CCDC57: variants seen among roughly 807,000 people sequenced by gnomAD.
The protein encoded by CCDC57 is coiled-coil domain containing 57, also known as coiled-coil domain-containing protein 57.
In CCDC57, 118 loss-of-function variants were observed where a neutral mutation model predicts 118.9. That is an observed-to-expected ratio of 0.99 (90% CI 0.86 to 1.16). The LOEUF is 1.16. Ranked by LOEUF, CCDC57 falls within the 50% of genes most tolerant of loss-of-function variation. The pLI is 0.00. For missense variants in CCDC57, 1,300 were observed against 1,320.7 expected (o/e 0.98, Z 0.24); for synonymous variants, 527 against 532.9 (o/e 0.99, Z 0.15).
intron 11 of CCDC57, among the ~76,000 whole-genome samples, chr17:82,175,184 G>T (rs970272915): frequency 1.3e-5 from 2 of 152,250 alleles, no homozygotes; most frequent in Non-Finnish European, 2.9e-5. Context: ...AAGGAAGAAA[G>T]AATTCTCCTG....
intron 19 of CCDC57, among the ~76,000 whole-genome samples, chr17:82,114,642 G>A (rs376985868): frequency 1.9e-3 from 296 of 152,194 alleles, no homozygotes; most frequent in African/African-American, 6.7e-3. Flanking sequence ...CGGCTGTCAC[G>A]ATCCCGTGCT....
intron 15 of CCDC57, 29 bp from the exon 15 acceptor site, chr17:82,151,802 CTG>C: frequency 6.5e-7 from 1 of 1,538,528 alleles, no homozygotes; most frequent in Non-Finnish European, 8.8e-7. Context: ...GCAGACACCC[CTG>C]TGAGGCTGCC....
rs1239317604 is a variant in CCDC57 at position 82,118,224 on chromosome 17, G to T, written c.2899+9468C>A. On this transcript the variant is annotated intron_variant, in intron 19 of 19. Coordinates refer to ENST00000665763, the Ensembl canonical transcript of CCDC57. This position sits in a 1 kb window ranked among gnomAD's most constrained non-coding sequence, Gnocchi z 4.7. ...GGGTGGCTGGGGAGTCTGGAGGGGTGCAGGGGGACTGGGCAGTTGTGGCCT... is the reference window on the plus strand; with the variant it reads ...GGGTGGCTGGGGAGTCTGGAGGGGTTCAGGGGGACTGGGCAGTTGTGGCCT... Among the ~76,000 whole-genome samples the T allele has an allele frequency of 6.6e-6, 1 of 152,186 alleles. No individual in the cohort carries two copies. Among genetic ancestry groups the T allele is most frequent in the Non-Finnish European group, 1.5e-5 (1 of 68,032 alleles).
At chr17:82,203,183 T>C (rs1412001451) in intron 2 of CCDC57, among the ~76,000 whole-genome samples, 1 of 152,168 alleles carries the variant, frequency 6.6e-6, no homozygotes, top group Non-Finnish European at 1.5e-5. Context: ...CAATGAGTTC[T>C]AGTGAGATGT....
exon 20 of CCDC57, chr17:82,101,697 G>A: frequency 2.5e-6 from 4 of 1,606,902 alleles, no homozygotes; most frequent in Non-Finnish European, 3.4e-6. Context: ...CCATAATGTT[G>A]TAGTTACGGA....
intron 9 of CCDC57, among the ~76,000 whole-genome samples, chr17:82,183,476 C>T (rs539414743): frequency 1.2e-4 from 19 of 152,218 alleles, no homozygotes; most frequent in Admixed American, 5.2e-4. Flanking sequence ...TGAGCCACCA[C>T]GCTTGGCAAG....
At chr17:82,150,874 T>C (rs185967140) in intron 16 of CCDC57, among the ~76,000 whole-genome samples, 357 of 17,654 alleles carry the variant, frequency 0.02, 2 homozygotes, top group African/African-American at 0.026. Context: ...CAGAACCTGG[T>C]GCACACCCAG....
Position 82,195,367 on chromosome 17 carries a change from G to A in CCDC57, c.517-3C>T. Reference sequence around the variant, plus strand: ...GATTCAAACTCCAGCAGCAGTTCCTGGAACAAACAGGTTTCATGATGAAAG... The same window carrying A: ...GATTCAAACTCCAGCAGCAGTTCCTAGAACAAACAGGTTTCATGATGAAAG... On this transcript the variant is annotated splice_polypyrimidine_tract_variant and splice_region_variant and intron_variant, in intron 4 of 19. Coordinates refer to ENST00000665763, the Ensembl canonical transcript of CCDC57. 1.9e-6 allele frequency: 3 copies of A among 1,581,588 alleles called. No individual in the cohort carries two copies. In the East Asian group the frequency reaches 6.9e-5, roughly 36 times the overall value.
At chr17:82,187,540 G>C (rs555959805) in intron 8 of CCDC57, among the ~76,000 whole-genome samples, 1 of 71,010 alleles carries the variant, frequency 1.4e-5, no homozygotes, top group South Asian at 5.3e-4. Flanking sequence ...GTGGGGCTCG[G>C]GGGGAGCTGG....
At chr17:82,195,098 C>CA in intron 5 of CCDC57, among the ~76,000 whole-genome samples, 165 bp downstream of exon 4, 1 of 152,382 alleles carries the variant, frequency 6.6e-6, no homozygotes, top group Non-Finnish European at 1.5e-5. Flanking sequence ...TGCCATGGGG[C>CA]ACAGGGCATC....
chr17:82,210,401 G>C (rs1463293221), intron 1 of CCDC57, among the ~76,000 whole-genome samples: 1 of 152,120 alleles, frequency 6.6e-6, no homozygotes, highest in African/African-American at 2.4e-5. Flanking sequence ...GCTGGGCGTT[G>C]TGGCTCAGGC....
intron 8 of CCDC57, among the ~76,000 whole-genome samples, chr17:82,186,893 G>A (rs2046989034): frequency 6.6e-6 from 1 of 151,936 alleles, no homozygotes; most frequent in Non-Finnish European, 1.5e-5. Flanking sequence ...AGCAAGCCGT[G>A]ATCGCACCAC....
intron 5 of CCDC57, 139 bp from the exon 5 acceptor site, chr17:82,194,278 G>A (rs1442691104): frequency 1.7e-5 from 14 of 844,766 alleles, no homozygotes; most frequent in Non-Finnish European, 2.4e-5. Context: ...CAGTGAGAAT[G>A]TCCTAACACA....
intron 17 of CCDC57, among the ~76,000 whole-genome samples, chr17:82,131,341 G>A (rs2038339527): frequency 6.6e-6 from 1 of 151,880 alleles, no homozygotes; most frequent in Non-Finnish European, 1.5e-5. Flanking sequence ...TGAGGCAGGA[G>A]AATCGCTTGA....
intron 8 of CCDC57, among the ~76,000 whole-genome samples, chr17:82,187,093 C>T (rs1310227309): frequency 6.6e-6 from 1 of 151,154 alleles, no homozygotes; most frequent in East Asian, 2.0e-4. Context: ...AAAAATTAGC[C>T]GGGCATAGTG....
At chr17:82,155,283 C>A (rs546087478) in intron 15 of CCDC57, 4 of 152,264 alleles carry the variant, frequency 2.6e-5, no homozygotes, top group African/African-American at 4.8e-5. Flanking sequence ...GGTCGCCCGG[C>A]GCGCCGTTCC....
At chr17:82,103,823 CGGGGCAGGGA>C (rs59005363) in intron 19 of CCDC57, among the ~76,000 whole-genome samples, 49,468 of 148,688 alleles carry the variant, frequency 0.33, 8,411 homozygotes, top group African/African-American at 0.39. Flanking sequence ...TCACAGTCCC[CGGGGCAGGGA>C]GGGGCAGGGA....
At chr17:82,113,698 C>G (rs1011476194) in intron 19 of CCDC57, 7 of 713,972 alleles carry the variant, frequency 9.8e-6, no homozygotes, top group Non-Finnish European at 1.6e-5. Context: ...TTTGGGAGGC[C>G]AAGGCGGCAG....
chr17:82,109,339 C>T (rs115273668), intron 19 of CCDC57, among the ~76,000 whole-genome samples: 4 of 152,216 alleles, frequency 2.6e-5, no homozygotes, highest in Non-Finnish European at 4.4e-5. Flanking sequence ...TCTGTGAGCC[C>T]GGTGTGAGCT....
Sources: allele counts gnomAD v4.1 joint callset (sites outside exome capture counted in the v4.1 genomes callset), GRCh38; gene constraint gnomAD v4.1.1; non-coding constraint Gnocchi (gnomAD v3.1); transcripts MANE v1.5; gene names NCBI Gene and HGNC (gene_info 2026-07-23, HGNC 2026-07-21).